ACE: variants seen among roughly 807,000 people sequenced by gnomAD.
ACE encodes angiotensin I converting enzyme.
ACE carries 122 observed loss-of-function variants against 162.3 expected under a neutral mutation model. The ratio of observed to expected loss-of-function variants is 0.75; its 90% confidence interval spans 0.65 to 0.87. ACE has a LOEUF of 0.87. Ranked by LOEUF, ACE falls within the 40% of genes least tolerant of loss-of-function variation. The pLI is 0.00. For missense variants in ACE, 1,799 were observed against 1,735.1 expected, an observed-to-expected ratio of 1.04 and a Z score of -0.65; for synonymous variants, 796 against 720.6, an observed-to-expected ratio of 1.10 and a Z score of -1.68.
chr17:63,483,677 A>G (rs981220778), intron 10 of ACE, 119 bp downstream of exon 10: 25 of 1,397,252 alleles, frequency 1.8e-5, no homozygotes, highest in Admixed American at 8.4e-5. Flanking sequence ...CAGACCTCAA[A>G]GGCCTGGAGT....
rs747872216 is a variant in ACE, at chr17:63,494,251, C to T, written c.3282-121C>T. The stretch of plus-strand genomic sequence containing the variant: ...GGTGATTGTGCACAGAGGCCCAGCA[C>T]GCAGGAGAATGGGGTGCCCAGTATA... On this transcript the variant is annotated intron_variant, in intron 21 of 24. Transcript: ENST00000290866. 2.5e-4 allele frequency: 315 copies of T among 1,260,658 alleles called. 1 individual carries two copies. The highest frequency in any genetic ancestry group is 3.9e-4 in the Admixed American group (20 of 51,368). 78.1% of individuals were successfully genotyped at this position (1,260,658 alleles called of 1,614,324 possible).
At position 63,483,492 on chromosome 17, in the gene ACE, C is replaced by T; in HGVS notation, c.1520C>T (p.Thr507Ile). ...TATCAGGGGATCTGTCCTCCTGTTACCCGAAACGAAACCCACTTTGATGCT... is the reference window on the plus strand; with the variant it reads ...TATCAGGGGATCTGTCCTCCTGTTATCCGAAACGAAACCCACTTTGATGCT... ...TKYQGICPPVTRNETHFDAGA... is the reference protein window; with the variant it reads ...TKYQGICPPVIRNETHFDAGA... The change falls in exon 10 of 25, where the codon ACC becomes ATC. Residue 507 changes from threonine to isoleucine, a missense_variant. By Grantham distance (89) the Thr-to-Ile change is moderately conservative (BLOSUM62 -1). Transcript: ENST00000290866. 2 of 1,614,166 alleles carry T rather than the reference C, an allele frequency of 1.2e-6. No homozygotes were observed. Among genetic ancestry groups the T allele is most frequent in the Non-Finnish European group, 1.7e-6 (2 of 1,180,020 alleles).
chr17:63,494,449 C>T lies in ACE; in HGVS notation c.3359C>T (p.Pro1120Leu). The T allele has an allele frequency of 6.2e-7, 1 of 1,614,078 alleles. No individual in the cohort carries two copies. The highest frequency in any genetic ancestry group is 8.5e-7 in the Non-Finnish European group (1 of 1,179,984). ...DFDPGAKFHI[P>L]SSVPYIRYFV... The stretch of plus-strand genomic sequence containing the variant: ...GACCCAGGGGCCAAGTTCCACATTC[C>T]TTCTAGCGTGCCTTACATCAGGTAA... The change falls in exon 22 of 25, where the codon CCT (proline) becomes CTT (leucine). Residue 1120 changes from proline (P) to leucine (L), a missense_variant. Physicochemically the swap from Pro to Leu is moderately conservative, Grantham distance 98. Transcript: ENST00000290866.
At chr17:63,493,029 A>G (rs1019905764) in intron 19 of ACE, among the ~76,000 whole-genome samples, 2 of 152,204 alleles carry the variant, frequency 1.3e-5, no homozygotes, top group Non-Finnish European at 2.9e-5. Flanking sequence ...CTCACCCCTG[A>G]CAGAAACAGT....
intron 15 of ACE, among the ~76,000 whole-genome samples, chr17:63,488,095 C>T (rs1176639774): frequency 1.3e-5 from 2 of 152,050 alleles, no homozygotes; most frequent in African/African-American, 4.8e-5. Context: ...GTTAGCTGGG[C>T]GTGGTGGTAG....
chr17:63,483,596 CACA>C, intron 10 of ACE, 38 bp downstream of exon 10: 12 of 1,383,992 alleles, frequency 8.7e-6, no homozygotes, highest in Admixed American at 2.1e-5. Flanking sequence ...CCAGTACTGT[CACA>C]CCCTCAATCC....
rs760553706 is a variant in ACE, at chr17:63,485,246, T to C, written c.1932T>C (p.Thr644=). 10 of 1,613,950 alleles carry C rather than the reference T, an allele frequency of 6.2e-6. No homozygotes were observed. The African/African-American group carries it at 1.3e-4, about 22-fold the overall frequency. ...CACTCTGTCCCACAGACCTGGTGAC[T>C]GATGAGGCTGAGGCCAGCAAGTTTG... The part of the protein sequence containing the change: ...DNYPEGIDLV[T]DEAEASKFVE... The change falls in exon 13 of 25, where the codon ACT becomes ACC. Residue 644 remains threonine, a synonymous_variant. Transcript: ENST00000290866.
At chr17:63,478,178 G>A in intron 2 of ACE, 80 bp downstream of exon 2, 1 of 1,520,328 alleles carries the variant, frequency 6.6e-7, no homozygotes, top group South Asian at 1.2e-5. Context: ...CAGCCCATCA[G>A]GGAGGGAGGA....
chr17:63,489,052 C>A lies in ACE; in HGVS notation c.2561C>A (p.Ala854Asp), dbSNP rs1258657289. The A allele has an allele frequency of 6.2e-7, 1 of 1,614,114 alleles. No homozygotes were observed. Among genetic ancestry groups the A allele is most frequent in the Admixed American group, 1.7e-5 (1 of 60,026 alleles). Residue 854 changes from alanine (A) to aspartate (D), a missense_variant, in exon 17 of 25, where the codon GCC becomes GAC. Ala to Asp is a moderately radical substitution (Grantham distance 126, BLOSUM62 -2). Coordinates refer to ENST00000290866, the MANE Select transcript of ACE (RefSeq NM_000789.4). The part of the protein sequence containing the change: ...ELQPLYLNLH[A>D]YVRRALHRHY... ...CAGCCACTCTACCTCAACCTGCATG[C>A]CTACGTGCGCCGGGCCCTGCACCGT...
intron 9 of ACE, 56 bp from the exon 10 acceptor site, chr17:63,483,404 A>G: frequency 6.5e-7 from 1 of 1,534,114 alleles, no homozygotes; most frequent in Non-Finnish European, 9.0e-7. Flanking sequence ...TACAAAAGTT[A>G]AATCCATCTG....
intron 15 of ACE, among the ~76,000 whole-genome samples, chr17:63,488,051 A>T (rs940355457): frequency 6.6e-6 from 1 of 152,300 alleles, no homozygotes; most frequent in Admixed American, 6.5e-5. Context: ...CCTGGCCAAC[A>T]TGGTGAAACC....
At chr17:63,492,897 G>A (rs917430282) in intron 19 of ACE, among the ~76,000 whole-genome samples, 3 of 152,176 alleles carry the variant, frequency 2.0e-5, no homozygotes, top group Non-Finnish European at 2.9e-5. Flanking sequence ...AAGGACTGAC[G>A]AGAGACGGTA....
chr17:63,491,458 C>G lies in ACE; in HGVS notation c.2912+77C>G, dbSNP rs2030381040. On this transcript the variant is annotated intron_variant, in intron 19 of 24. Coordinates refer to ENST00000290866, the MANE Select transcript of ACE (RefSeq NM_000789.4). The surrounding 1 kb of genome is among the most constrained non-coding windows in gnomAD (Gnocchi z 4.4). ...AATGAACCAAGCAAAGGGTCCACTACTGTCCCCCAGCTGGAGCCAGCAGGG... is the reference window on the plus strand; with the variant it reads ...AATGAACCAAGCAAAGGGTCCACTAGTGTCCCCCAGCTGGAGCCAGCAGGG... 2.0e-5 allele frequency: 31 copies of G among 1,582,802 alleles called. No homozygotes were observed. The South Asian group carries it at 3.3e-4, about 17-fold the overall frequency.
Position 63,477,360 on chromosome 17 carries a change from G to T in ACE, c.249+17G>T. ...AGGCGCCAGGTGGGCGCCCGGGCCC[G>T]GGCGGGGGCGGGGCGGGGCCGCGGC... On this transcript the variant is annotated intron_variant, in intron 1 of 24. Coordinates refer to ENST00000290866, the MANE Select transcript of ACE (RefSeq NM_000789.4). 2.4e-6 allele frequency: 3 copies of T among 1,261,160 alleles called. No individual in the cohort carries two copies. The highest frequency in any genetic ancestry group is 3.0e-6 in the Non-Finnish European group (3 of 998,174). 78.1% of individuals were successfully genotyped at this position (1,261,160 alleles called of 1,614,324 possible). A position where few individuals can be genotyped will look rare whatever the true frequency, so the allele number is the denominator to read the frequency against.
intron 24 of ACE, 63 bp downstream of exon 24, chr17:63,497,048 TGCGGCTG>T (rs750620868): frequency 1.4e-4 from 195 of 1,441,502 alleles, no homozygotes; most frequent in Non-Finnish European, 1.8e-4. Context: ...TGGGCAGCCA[TGCGGCTG>T]ACCTCGGAGC....
chr17:63,477,906 TC>T, intron 1 of ACE, 24 bp from the exon 2 acceptor site: 1 of 1,599,238 alleles, frequency 6.3e-7, no homozygotes, highest in Non-Finnish European at 8.5e-7. Context: ...TCCTACACCC[TC>T]CCTGCCCTCC....
chr17:63,488,336 G>A lies in ACE; in HGVS notation c.2306-312G>A, dbSNP rs566314182. 1.6e-4 allele frequency among the ~76,000 whole-genome samples: 23 copies of A among 145,362 alleles called. No homozygotes were observed. In the South Asian group the frequency reaches 1.6e-3, roughly 10 times the overall value. Reference sequence around the variant, plus strand: ...ATGGCGCCACTGCACTCCAGCCTGGGCAACAGAGTGAGACCCTGTCTCAGA... The same window carrying A: ...ATGGCGCCACTGCACTCCAGCCTGGACAACAGAGTGAGACCCTGTCTCAGA... On this transcript the variant is annotated intron_variant, in intron 15 of 24. Transcript: ENST00000290866.
chr17:63,490,627 G>C (rs1298455564), intron 17 of ACE: 1 of 400,510 alleles, frequency 2.5e-6, no homozygotes, highest in Admixed American at 3.6e-5. Flanking sequence ...TGGCCACCGG[G>C]GTGTAGGTGT....
chr17:63,480,958 G>T, intron 5 of ACE, 133 bp from the exon 6 acceptor site: 1 of 826,982 alleles, frequency 1.2e-6, no homozygotes. Flanking sequence ...GAGATTTCTG[G>T]CCCTAAGCCA....
Sources: allele counts gnomAD v4.1 joint callset (sites outside exome capture counted in the v4.1 genomes callset), GRCh38; gene constraint gnomAD v4.1.1; non-coding constraint Gnocchi (gnomAD v3.1); transcripts MANE v1.5; gene names NCBI Gene and HGNC (gene_info 2026-07-23, HGNC 2026-07-21).